GALNT18: variants seen among roughly 807,000 people sequenced by gnomAD.
The protein encoded by GALNT18 is polypeptide N-acetylgalactosaminyltransferase 18, also known as GalNAc-transferase 18.
A neutral mutation model predicts 69.5 loss-of-function variants in GALNT18; 44 were observed. That is an observed-to-expected ratio of 0.63 (90% confidence interval 0.50 to 0.81). The LOEUF (loss-of-function observed/expected upper bound fraction) is 0.81. Among genes scored for constraint, GALNT18 ranks in the 40% least tolerant of loss-of-function variants. GALNT18 has a pLI of 0.00. For synonymous variants in GALNT18, 364 were observed against 318.2 expected, an observed-to-expected ratio of 1.14 and a Z score of -1.53; for missense variants, 715 against 810.0, an observed-to-expected ratio of 0.88 and a Z score of 1.42.
rs1415279696 is a variant in GALNT18 at position 11,582,050 on chromosome 11, C to T, written c.235+39309G>A. Reference sequence around the variant, plus strand: ...TAGTATACATGAGGTTCCATGTATACTGTGTATTAGGAAAAACCAAGCAGA... The same window carrying T: ...TAGTATACATGAGGTTCCATGTATATTGTGTATTAGGAAAAACCAAGCAGA... On this transcript the variant is annotated intron_variant, in intron 1 of 10. Coordinates refer to ENST00000227756, the MANE Select transcript of GALNT18 (RefSeq NM_198516.3). The surrounding 1 kb of genome is among the most constrained non-coding windows in gnomAD (Gnocchi z 5.0). Among the ~76,000 whole-genome samples, 2 of 151,646 alleles carry T rather than the reference C, an allele frequency of 1.3e-5. No individual in the cohort carries two copies.
intron 1 of GALNT18, among the ~76,000 whole-genome samples, chr11:11,559,355 A>C (rs1426456305): frequency 1.3e-5 from 2 of 152,186 alleles, no homozygotes; most frequent in Non-Finnish European, 2.9e-5. Context: ...TAGTCTCTCC[A>C]TCTACTGTTT....
At position 11,543,148 on chromosome 11, in the gene GALNT18, C is replaced by A. The variant is rs752220826; in HGVS notation, c.235+78211G>T. Among the ~76,000 whole-genome samples, 10 of 152,206 alleles carry A rather than the reference C, an allele frequency of 6.6e-5. No homozygotes were observed. Among genetic ancestry groups the A allele is most frequent in the Non-Finnish European group, 1.5e-4 (10 of 68,028 alleles). On this transcript the variant is annotated intron_variant, in intron 1 of 10. Transcript: ENST00000227756. The surrounding 1 kb of genome is among the most constrained non-coding windows in gnomAD (Gnocchi z 5.1). Reference sequence around the variant, plus strand: ...GAAGCCGATGCCTTCTCTGGTCTTTCTACCTCTGCCACTTAGGGAGTAGAG... The same window carrying A: ...GAAGCCGATGCCTTCTCTGGTCTTTATACCTCTGCCACTTAGGGAGTAGAG...
chr11:11,418,666 G>T (rs79798117), intron 3 of GALNT18, among the ~76,000 whole-genome samples: 2 of 152,156 alleles, frequency 1.3e-5, no homozygotes, highest in African/African-American at 2.4e-5. Context: ...CTGCCAGCTC[G>T]CTGGGGACAG....
At chr11:11,551,801 G>C (rs1858198472) in intron 1 of GALNT18, among the ~76,000 whole-genome samples, 1 of 152,220 alleles carries the variant, frequency 6.6e-6, no homozygotes, top group African/African-American at 2.4e-5. Flanking sequence ...GCAAAGGGTG[G>C]TGGATTATCA....
intron 10 of GALNT18, among the ~76,000 whole-genome samples, 199 bp downstream of exon 10, chr11:11,292,830 C>G (rs1247368099): frequency 1.3e-5 from 2 of 152,140 alleles, no homozygotes; most frequent in Non-Finnish European, 2.9e-5. Context: ...GGTCAATAGT[C>G]AACACATGAG....
Position 11,563,798 on chromosome 11 carries a change from A to G in GALNT18, c.235+57561T>C, listed in dbSNP as rs1236087900. ...AAATCAAAGCAGCTCTTTTCTATCC[A>G]GAACTATAAATATCCAGAGAGAGGG... On this transcript the variant is annotated intron_variant, in intron 1 of 10. Transcript: ENST00000227756. The surrounding 1 kb of genome is among the most constrained non-coding windows in gnomAD (Gnocchi z 4.6). Among the ~76,000 whole-genome samples, 1 of 152,242 alleles carries G rather than the reference A, an allele frequency of 6.6e-6. No homozygotes were observed. The highest frequency in any genetic ancestry group is 1.5e-5 in the Non-Finnish European group (1 of 68,036).
Position 11,584,486 on chromosome 11 carries a change from T to C in GALNT18, c.235+36873A>G, listed in dbSNP as rs945028727. ...TTTCAACTGGCCATATTCTCAGCAGTGAATGATGGAGGCAGAGCTCAGAGA... is the reference window on the plus strand; with the variant it reads ...TTTCAACTGGCCATATTCTCAGCAGCGAATGATGGAGGCAGAGCTCAGAGA... On this transcript the variant is annotated intron_variant, in intron 1 of 10. Transcript: ENST00000227756. The surrounding 1 kb of genome is among the most constrained non-coding windows in gnomAD (Gnocchi z 4.1). Among the ~76,000 whole-genome samples the C allele has an allele frequency of 1.3e-5, 2 of 152,108 alleles. No homozygotes were observed. Among genetic ancestry groups the C allele is most frequent in the African/African-American group, 4.8e-5 (2 of 41,402 alleles).
chr11:11,520,523 C>G (rs910010472), intron 1 of GALNT18, among the ~76,000 whole-genome samples: 1 of 152,200 alleles, frequency 6.6e-6, no homozygotes, highest in Admixed American at 6.5e-5. Context: ...TGAACAGTCC[C>G]AGAGATGACC....
chr11:11,390,369 A>G (rs1854158197), intron 3 of GALNT18, among the ~76,000 whole-genome samples: 1 of 152,126 alleles, frequency 6.6e-6, no homozygotes, highest in African/African-American at 2.4e-5. Context: ...CTGCAGCTCT[A>G]GAAGGGGATG....
intron 1 of GALNT18, among the ~76,000 whole-genome samples, chr11:11,579,947 C>T (rs1251238298): frequency 6.6e-6 from 1 of 152,132 alleles, no homozygotes; most frequent in Non-Finnish European, 1.5e-5. Flanking sequence ...CCTGAAAACT[C>T]AACAAAAGAT....
At chr11:11,610,437 A>C (rs1859866989) in intron 1 of GALNT18, among the ~76,000 whole-genome samples, 1 of 152,146 alleles carries the variant, frequency 6.6e-6, no homozygotes, top group Non-Finnish European at 1.5e-5. Context: ...GACAGGTGTA[A>C]AGTATTTAGC....
chr11:11,369,403 C>A (rs551427825), intron 6 of GALNT18, among the ~76,000 whole-genome samples: 1 of 152,208 alleles, frequency 6.6e-6, no homozygotes, highest in Non-Finnish European at 1.5e-5. Flanking sequence ...ATCTCTACCT[C>A]CACCTTCTCA....
At position 11,341,148 on chromosome 11, in the gene GALNT18, C is replaced by T; in HGVS notation, c.1093-144G>A. 1.5e-6 allele frequency: 1 copy of T among 662,446 alleles called. No homozygotes were observed. The highest frequency in any genetic ancestry group is 2.5e-6 in the Non-Finnish European group (1 of 401,842). 41.0% of individuals were successfully genotyped at this position (662,446 alleles called of 1,614,324 possible). A position where few individuals can be genotyped will look rare whatever the true frequency, so the allele number is the denominator to read the frequency against. The stretch of plus-strand genomic sequence containing the variant: ...AGATCACTCTCTGTGAAGGAGTAGG[C>T]CATACCTGATTTCTGCTCCTATAGC... On this transcript the variant is annotated intron_variant, in intron 6 of 10. Coordinates refer to ENST00000227756, the MANE Select transcript of GALNT18 (RefSeq NM_198516.3). The surrounding 1 kb of genome is among the most constrained non-coding windows in gnomAD (Gnocchi z 6.3).
intron 1 of GALNT18, among the ~76,000 whole-genome samples, chr11:11,558,316 A>G (rs990366837): frequency 2.6e-5 from 4 of 152,218 alleles, no homozygotes; most frequent in Non-Finnish European, 5.9e-5. Context: ...AAAAGGCAAT[A>G]CCTTGTAATA....
chr11:11,533,174 C>A (rs1314076511), intron 1 of GALNT18, among the ~76,000 whole-genome samples: 1 of 152,164 alleles, frequency 6.6e-6, no homozygotes, highest in Non-Finnish European at 1.5e-5. Flanking sequence ...CCCATTGTGC[C>A]AAAGCTGGCA....
chr11:11,297,747 C>T (rs531281071), intron 9 of GALNT18, among the ~76,000 whole-genome samples: 6 of 152,280 alleles, frequency 3.9e-5, no homozygotes, highest in East Asian at 3.9e-4. Flanking sequence ...TACAAACCCC[C>T]GGGGCAGAGA....
rs944409758 is a variant in GALNT18 at position 11,396,528 on chromosome 11, A to G, written c.596-17264T>C. Reference sequence around the variant, plus strand: ...AAAACTTCCCTCCTCAGAAGTCTACATAGCAACACGGACAGCTTGGTAACA... The same window carrying G: ...AAAACTTCCCTCCTCAGAAGTCTACGTAGCAACACGGACAGCTTGGTAACA... On this transcript the variant is annotated intron_variant, in intron 3 of 10. Coordinates refer to ENST00000227756, the MANE Select transcript of GALNT18 (RefSeq NM_198516.3). The surrounding 1 kb of genome is among the most constrained non-coding windows in gnomAD (Gnocchi z 5.2). 2.6e-5 allele frequency among the ~76,000 whole-genome samples: 4 copies of G among 152,212 alleles called. No homozygotes were observed. Among genetic ancestry groups the G allele is most frequent in the Non-Finnish European group, 4.4e-5 (3 of 68,036 alleles).
intron 10 of GALNT18, among the ~76,000 whole-genome samples, chr11:11,275,819 G>T (rs961614090): frequency 2.0e-5 from 3 of 152,112 alleles, no homozygotes; most frequent in Non-Finnish European, 2.9e-5. Context: ...TTTCAGTCAG[G>T]TTTGTCAAAG....
At chr11:11,349,891 C>T (rs1162489511) in intron 6 of GALNT18, among the ~76,000 whole-genome samples, 1 of 152,192 alleles carries the variant, frequency 6.6e-6, no homozygotes, top group African/African-American at 2.4e-5. Flanking sequence ...CCTCTTCTTG[C>T]AATCAACACT....
Sources: allele counts gnomAD v4.1 joint callset (sites outside exome capture counted in the v4.1 genomes callset), GRCh38; gene constraint gnomAD v4.1.1; non-coding constraint Gnocchi (gnomAD v3.1); transcripts MANE v1.5; gene names NCBI Gene and HGNC (gene_info 2026-07-23, HGNC 2026-07-21).